The following PPP1R10 variants were observed in gnomAD, a reference collection of about 807,000 sequenced individuals.
PPP1R10 encodes serine/threonine-protein phosphatase 1 regulatory subunit 10.
In PPP1R10, 15 loss-of-function variants were observed where a neutral mutation model predicts 99.0. That is an observed-to-expected ratio of 0.15 (90% CI 0.10 to 0.23). The LOEUF (loss-of-function observed/expected upper bound fraction) is 0.23. PPP1R10 is among the 10% of genes least tolerant of loss of function. The pLI is 1.00. For synonymous variants in PPP1R10, 430 were observed against 449.5 expected (o/e 0.96, Z 0.55); for missense variants, 947 against 1,259.4 (o/e 0.75, Z 3.75).
chr6:30,611,660 A>G (rs1011146679), intron 2 of PPP1R10, among the ~76,000 whole-genome samples: 1 of 152,160 alleles, frequency 6.6e-6, no homozygotes, highest in African/African-American at 2.4e-5. Context: ...CTAACAACCT[A>G]GGCGAGCAGC....
In PPP1R10 at chr6:30,606,591, G is replaced by A. The variant is rs1803974511; in HGVS notation, c.511C>T (p.Pro171Ser). 1.2e-6 allele frequency: 2 copies of A among 1,614,188 alleles called. No individual in the cohort carries two copies. Among genetic ancestry groups the A allele is most frequent in the Non-Finnish European group, 1.7e-6 (2 of 1,180,036 alleles). The change falls in exon 8 of 20, where the codon CCT becomes TCT. Residue 171 changes from proline (P) to serine (S), a missense_variant. Physicochemically the swap from Pro to Ser is moderately conservative, Grantham distance 74. Transcript: ENST00000376511. This position sits in a 1 kb window ranked among gnomAD's most constrained non-coding sequence, Gnocchi z 6.3. ...TTCACCTCTGTCAAAGGTCGCTCAGGAAGGGTAGTTCGACTTTTTCCTTCA... is the reference window on the plus strand; with the variant it reads ...TTCACCTCTGTCAAAGGTCGCTCAGAAAGGGTAGTTCGACTTTTTCCTTCA... ...KDEGKSRTTL[P>S]ERPLTEVKAE... is the part of the protein sequence containing the mutation.
rs1180703369 is a variant in PPP1R10, at chr6:30,606,622, A to G, written c.480T>C (p.Arg160=). 2.5e-6 allele frequency: 4 copies of G among 1,614,166 alleles called. No individual in the cohort carries two copies. The highest frequency in any genetic ancestry group is 1.3e-5 in the African/African-American group (1 of 75,018). The stretch of plus-strand genomic sequence containing the variant: ...TAGTTCGACTTTTTCCTTCATCTTT[A>G]CGTTTCTTCTTATCTTTCTCTGTTG... ...TQPAEKDKKK[R]KDEGKSRTTL... The change falls in exon 8 of 20, where the codon CGT becomes CGC. Residue 160 remains arginine (R), a synonymous_variant. Coordinates refer to ENST00000376511, the MANE Select transcript of PPP1R10 (RefSeq NM_002714.4). This position sits in a 1 kb window ranked among gnomAD's most constrained non-coding sequence, Gnocchi z 6.3.
Position 30,616,745 on chromosome 6 carries a change from A to G in PPP1R10, c.-279T>C, listed in dbSNP as rs1760607974. 6.6e-6 allele frequency: 1 copy of G among 152,064 alleles called. No individual in the cohort carries two copies. The highest frequency in any genetic ancestry group is 1.5e-5 in the Non-Finnish European group (1 of 68,016). The allele number at this position is 152,064 out of a possible 1,614,324, so 9.4% of individuals were successfully genotyped here. On this transcript the variant is annotated 5_prime_UTR_variant, in exon 2 of 20. Transcript: ENST00000376511. Reference sequence around the variant, plus strand: ...GATGAGTGAATTTGGGTGGTTTGGGAAGGGAGGGTGGTTGATTATTTTTGA... The same window carrying G: ...GATGAGTGAATTTGGGTGGTTTGGGGAGGGAGGGTGGTTGATTATTTTTGA...
At position 30,601,405 on chromosome 6, in the gene PPP1R10, G is replaced by A. The variant is rs1803297935; in HGVS notation, c.*144C>T. On this transcript the variant is annotated 3_prime_UTR_variant, in exon 20 of 20. Coordinates refer to ENST00000376511, the MANE Select transcript of PPP1R10 (RefSeq NM_002714.4). The stretch of plus-strand genomic sequence containing the variant: ...GCACCAGTGATCAGAAAACCCCCAG[G>A]AACCCAAGCAAGTGGGAACTGAGGG... 1.5e-6 allele frequency: 1 copy of A among 658,682 alleles called. No homozygotes were observed. Among genetic ancestry groups the A allele is most frequent in the Non-Finnish European group, 2.6e-6 (1 of 378,974 alleles). 40.8% of individuals were successfully genotyped at this position (658,682 alleles called of 1,614,324 possible). A position where few individuals can be genotyped will look rare whatever the true frequency, so the allele number is the denominator to read the frequency against.
At chr6:30,603,066 A>T in intron 17 of PPP1R10, 107 bp from the exon 18 acceptor site, 1 of 1,368,808 alleles carries the variant, frequency 7.3e-7, no homozygotes, top group Non-Finnish European at 1.0e-6. Context: ...TGGCAGAGCA[A>T]TGCTCTCTCT....
At position 30,606,088 on chromosome 6, in the gene PPP1R10, C is replaced by T. The variant is rs759447175; in HGVS notation, c.740+50G>A. The T allele has an allele frequency of 1.2e-6, 2 of 1,612,836 alleles. No individual in the cohort carries two copies. The highest frequency in any genetic ancestry group is 1.7e-6 in the Non-Finnish European group (2 of 1,178,906). ...TCTCCGACTCACCCCCTCCTGCTCC[C>T]TTGTGTCCACAGATCCACCCCATTC... On this transcript the variant is annotated intron_variant, in intron 9 of 19. Coordinates refer to ENST00000376511, the MANE Select transcript of PPP1R10 (RefSeq NM_002714.4). This position sits in a 1 kb window ranked among gnomAD's most constrained non-coding sequence, Gnocchi z 6.3.
rs967853700 is a variant in PPP1R10 at position 30,603,680 on chromosome 6, A to C, written c.1573-14T>G. On this transcript the variant is annotated splice_polypyrimidine_tract_variant and intron_variant, in intron 15 of 19. Coordinates refer to ENST00000376511, the MANE Select transcript of PPP1R10 (RefSeq NM_002714.4). ...CATGGAACACTCCTGAAAGAAGAAC[A>C]AAAAAAATCAGGATTGACAGAACAG... The C allele has an allele frequency of 1.3e-6, 2 of 1,564,304 alleles. No homozygotes were observed. Among genetic ancestry groups the C allele is most frequent in the Admixed American group, 2.1e-5 (1 of 48,468 alleles).
At position 30,604,851 on chromosome 6, in the gene PPP1R10, T is replaced by G. The variant is rs139639745; in HGVS notation, c.955-116A>C. The G allele has an allele frequency of 7.3e-4, 1,116 of 1,533,190 alleles. 9 individuals carry two copies. In the African/African-American group the frequency reaches 0.014, roughly 19 times the overall value. 95.0% of individuals were successfully genotyped at this position (1,533,190 alleles called of 1,614,324 possible). A position where few individuals can be genotyped will look rare whatever the true frequency, so the allele number is the denominator to read the frequency against. On this transcript the variant is annotated intron_variant, in intron 11 of 19. Coordinates refer to ENST00000376511, the MANE Select transcript of PPP1R10 (RefSeq NM_002714.4). The surrounding 1 kb of genome is among the most constrained non-coding windows in gnomAD (Gnocchi z 7.3). ...TTCCTATATAAAGGAAGACTCTGTC[T>G]CCACAATGTCTCACCTGCACCAGTC...
Position 30,602,640 on chromosome 6 carries a change from G to A in PPP1R10, c.2009C>T (p.Pro670Leu), listed in dbSNP as rs773034724. ...GPVGPRLLGP[P>L]PPPRGGDPFW... ...GGGATCACCTCCCCGGGGAGGGGGT[G>A]GAGGACCCAGAAGACGTGGACCCAC... The change falls in exon 19 of 20, where the codon CCA (proline) becomes CTA (leucine). Residue 670 changes from proline to leucine, a missense_variant. This residue lies in a region of PPP1R10 where 525 missense variants were observed against 578.8 expected (regional missense o/e 0.91). Coordinates refer to ENST00000376511, the MANE Select transcript of PPP1R10 (RefSeq NM_002714.4). This position sits in a 1 kb window ranked among gnomAD's most constrained non-coding sequence, Gnocchi z 6.7. 1.3e-6 allele frequency: 2 copies of A among 1,598,424 alleles called. No individual in the cohort carries two copies. Among genetic ancestry groups the A allele is most frequent in the Non-Finnish European group, 1.7e-6 (2 of 1,174,444 alleles).
chr6:30,600,821 T>C lies in PPP1R10; in HGVS notation c.*728A>G, dbSNP rs1028225298. ...TTTTATCAAGTCTCCAGACTGGCTA[T>C]AGTTGGCAAAGGCAGACCAGCACCA... is the stretch of plus-strand genomic sequence containing the variant. On this transcript the variant is annotated 3_prime_UTR_variant, in exon 20 of 20. Coordinates refer to ENST00000376511, the MANE Select transcript of PPP1R10 (RefSeq NM_002714.4). 2.6e-5 allele frequency: 4 copies of C among 152,618 alleles called. No homozygotes were observed. The highest frequency in any genetic ancestry group is 9.7e-5 in the African/African-American group (4 of 41,442). 9.5% of individuals were successfully genotyped at this position (152,618 alleles called of 1,614,324 possible). A position where few individuals can be genotyped will look rare whatever the true frequency, so the allele number is the denominator to read the frequency against.
In PPP1R10 at chr6:30,609,199, C is replaced by G; in HGVS notation, c.108-36G>C. ...TGAGTTAGGGTTAGAAATGAAGCAG[C>G]CAGTATCTCTTCTCTTAGCAAAAGC... On this transcript the variant is annotated intron_variant, in intron 3 of 19. Coordinates refer to ENST00000376511, the MANE Select transcript of PPP1R10 (RefSeq NM_002714.4). The surrounding 1 kb of genome is among the most constrained non-coding windows in gnomAD (Gnocchi z 4.5). The G allele has an allele frequency of 6.3e-7, 1 of 1,598,518 alleles. No individual in the cohort carries two copies. The highest frequency in any genetic ancestry group is 1.1e-5 in the South Asian group (1 of 90,772).
intron 6 of PPP1R10, 70 bp downstream of exon 6, chr6:30,607,770 A>G: frequency 6.6e-7 from 1 of 1,504,868 alleles, no homozygotes; most frequent in Non-Finnish European, 9.2e-7. Flanking sequence ...CAAGGATGGG[A>G]AAAGATATTA....
At chr6:30,616,020 A>G (rs1181447239) in intron 2 of PPP1R10, among the ~76,000 whole-genome samples, 1 of 152,218 alleles carries the variant, frequency 6.6e-6, no homozygotes, top group Admixed American at 6.5e-5. Context: ...TTAATCTGGC[A>G]AATTGAAAGG....
At chr6:30,607,805 G>GAAA (rs1251206412) in intron 6 of PPP1R10, 35 bp downstream of exon 6, 4 of 1,593,398 alleles carry the variant, frequency 2.5e-6, no homozygotes, top group Non-Finnish European at 3.4e-6. Context: ...AAGTAATAGA[G>GAAA]AAAAGCCCAT....
intron 2 of PPP1R10, among the ~76,000 whole-genome samples, chr6:30,611,164 G>A (rs1029954745): frequency 6.6e-6 from 1 of 152,152 alleles, no homozygotes; most frequent in African/African-American, 2.4e-5. Flanking sequence ...AGTCGAGTGT[G>A]ATGGTGTGCA....
chr6:30,613,972 G>C (rs962141872), intron 2 of PPP1R10, among the ~76,000 whole-genome samples: 1 of 152,178 alleles, frequency 6.6e-6, no homozygotes, highest in Non-Finnish European at 1.5e-5. Flanking sequence ...TACCCAGTAG[G>C]AAGTTAGCCC....
At chr6:30,608,960 T>C (rs1208769463) in intron 4 of PPP1R10, 46 bp from the exon 5 acceptor site, 1 of 1,613,454 alleles carries the variant, frequency 6.2e-7, no homozygotes, top group South Asian at 1.1e-5. Flanking sequence ...TTTCTAGGTT[T>C]TGACAGTACC....
chr6:30,607,619 T>C (rs1467466235), intron 6 of PPP1R10, among the ~76,000 whole-genome samples: 1 of 152,162 alleles, frequency 6.6e-6, no homozygotes, highest in Non-Finnish European at 1.5e-5. Context: ...AGTTAAAGTA[T>C]GGCACCTTAT....
At chr6:30,603,705 G>A in intron 15 of PPP1R10, 39 bp from the exon 16 acceptor site, 2 of 1,558,490 alleles carry the variant, frequency 1.3e-6, no homozygotes, top group East Asian at 2.3e-5. Flanking sequence ...TGACAGAACA[G>A]AGACATTCTC....
Sources: gnomAD v4.1 joint callset for allele counts (sites outside exome capture counted in the v4.1 genomes callset) on GRCh38, gnomAD v4.1.1 for gene constraint, gnomAD v4.1.1 regional missense constraint, Gnocchi (gnomAD v3.1) non-coding constraint, MANE v1.5 for transcripts, NCBI Gene and HGNC (gene_info 2026-07-23, HGNC 2026-07-21) for gene names.